ASMTL: variants seen among roughly 807,000 people sequenced by gnomAD.
The protein encoded by ASMTL is acetylserotonin O-methyltransferase like.
In ASMTL, 57 loss-of-function variants were observed where a neutral mutation model predicts 60.3. The ratio of observed to expected loss-of-function variants is 0.95; its 90% CI spans 0.76 to 1.18. The LOEUF is 1.18. Among genes scored for constraint, ASMTL ranks in the 50% most tolerant of loss-of-function variants. ASMTL has a pLI of 0.00. For missense variants in ASMTL, 981 were observed against 852.6 expected (o/e 1.15, Z -1.88); for synonymous variants, 419 against 373.0 (o/e 1.12, Z -1.42).
At chrX:1,417,831 TAGAC>T (rs1177589478) in intron 11 of ASMTL, 138 bp downstream of exon 11, 1 of 1,056,444 alleles carries the variant, frequency 9.5e-7, no homozygotes, top group Non-Finnish European at 1.3e-6. Flanking sequence ...ACAAGCACCG[TAGAC>T]AGTCCCATTT....
At chrX:1,445,851 G>A (rs1369308817) in intron 1 of ASMTL, among the ~76,000 whole-genome samples, 1 of 152,098 alleles carries the variant, frequency 6.6e-6, no homozygotes, top group Non-Finnish European at 1.5e-5. Flanking sequence ...GAGGGGACAT[G>A]GTGAGGTGCG....
intron 12 of ASMTL, 111 bp downstream of exon 12, chrX:1,412,621 C>G (rs777469301): frequency 0.019 from 28,274 of 1,487,416 alleles, 347 homozygotes; most frequent in Admixed American, 0.027. Flanking sequence ...CCTCGGCCTC[C>G]CAAAGCGCTG....
intron 12 of ASMTL, among the ~76,000 whole-genome samples, chrX:1,412,519 C>T (rs1275874891): frequency 7.2e-5 from 11 of 152,098 alleles, no homozygotes; most frequent in Non-Finnish European, 1.3e-4. Flanking sequence ...TGAGCCACCA[C>T]GCCTGGCTAA....
chrX:1,443,058 G>GACACACACACCGTCATCGTGGAC (rs200250030), intron 1 of ASMTL, among the ~76,000 whole-genome samples: 4 of 145,592 alleles, frequency 2.7e-5, no homozygotes, highest in Non-Finnish European at 6.0e-5. Flanking sequence ...CACCATCGTG[G>GACACACACACCGTCATCGTGGAC]ACACACACCG....
rs1413134078 is a variant in ASMTL, at chrX:1,431,324, TATAATTATAA to T, written c.509+935_509+944del. Among the ~76,000 whole-genome samples, 5 of 131,874 alleles carry T rather than the reference TATAATTATAA, an allele frequency of 3.8e-5. No homozygotes were observed. In the East Asian group the frequency reaches 6.4e-4, roughly 17 times the overall value. The allele number at this position is 131,874 out of a possible 152,430, so 86.5% of individuals were successfully genotyped here. A position where few individuals can be genotyped will look rare whatever the true frequency, so the allele number is the denominator to read the frequency against. On this transcript the variant is annotated intron_variant, in intron 6 of 12. Coordinates refer to ENST00000381317, the MANE Select transcript of ASMTL (RefSeq NM_004192.4). ...AATATATAAAATTATATATTTTATA[TATAATTATAA>T]ATAATTATAAATATAAATTATATAA...
Position 1,427,938 on chromosome X carries a change from G to A in ASMTL, c.693C>T (p.Ala231=), listed in dbSNP as rs377116602. ...RRSVKHDSIP[A]ADTFEDLSDV... is the part of the protein sequence containing the mutation. ...CACTGAGGTCTTCGAAGGTGTCCGC[G>A]GCCGGGATGGAGTCGTGCTTGACAC... Residue 231 remains alanine (A), a synonymous_variant, in exon 7 of 13, where the codon GCC becomes GCT. Coordinates refer to ENST00000381317, the MANE Select transcript of ASMTL (RefSeq NM_004192.4). 1.6e-5 allele frequency: 26 copies of A among 1,613,448 alleles called. No individual in the cohort carries two copies. The highest frequency in any genetic ancestry group is 2.2e-5 in the East Asian group (1 of 44,884).
chrX:1,427,624 T>C, intron 7 of ASMTL, 110 bp downstream of exon 7: 6 of 1,216,438 alleles, frequency 4.9e-6, no homozygotes, highest in South Asian at 1.4e-5. Flanking sequence ...TGAGACAACC[T>C]GACCTCAGAC....
chrX:1,437,594 T>C (rs866736220), intron 3 of ASMTL, among the ~76,000 whole-genome samples: 12 of 152,166 alleles, frequency 7.9e-5, no homozygotes, highest in Middle Eastern at 3.4e-3. Context: ...ATAGACTGGG[T>C]GGCTTATGAA....
At chrX:1,420,263 CTA>C (rs1455320908) in intron 9 of ASMTL, among the ~76,000 whole-genome samples, 1 of 151,718 alleles carries the variant, frequency 6.6e-6, no homozygotes. Context: ...CTGTCTCACT[CTA>C]TCTCTGTCTC....
chrX:1,423,740 C>A (rs1471926164), intron 8 of ASMTL, among the ~76,000 whole-genome samples: 1 of 92,748 alleles, frequency 1.1e-5, no homozygotes, highest in African/African-American at 3.2e-5. Context: ...ACTGATACAT[C>A]TATCCATCCA....
At chrX:1,432,009 CGCCTCCCCAGT>C (rs1336515488) in intron 6 of ASMTL, 1 of 551,864 alleles carries the variant, frequency 1.8e-6, no homozygotes, top group African/African-American at 1.9e-5. Context: ...CCCTGCCCAG[CGCCTCCCCAGT>C]CCCCACCGCA....
At chrX:1,430,409 C>A (rs374907217) in intron 6 of ASMTL, among the ~76,000 whole-genome samples, 7 of 152,140 alleles carry the variant, frequency 4.6e-5, no homozygotes, top group Middle Eastern at 3.4e-3. Flanking sequence ...GGGCTTATTT[C>A]AATTGATGTA....
chrX:1,416,638 CAT>C (rs1403783927), intron 11 of ASMTL, among the ~76,000 whole-genome samples: 4 of 151,866 alleles, frequency 2.6e-5, no homozygotes, highest in Non-Finnish European at 4.4e-5. Flanking sequence ...TACCCTCACA[CAT>C]ATGCAAGCAC....
intron 11 of ASMTL, among the ~76,000 whole-genome samples, chrX:1,414,352 G>A (rs1569531769): frequency 6.6e-6 from 1 of 152,164 alleles, no homozygotes; most frequent in Non-Finnish European, 1.5e-5. Context: ...AGAGTGTGCG[G>A]TGGGAAGTCT....
At chrX:1,422,138 T>A in intron 8 of ASMTL, among the ~76,000 whole-genome samples, 1 of 152,344 alleles carries the variant, frequency 6.6e-6, no homozygotes, top group Middle Eastern at 3.4e-3. Context: ...CCTTTCTTCA[T>A]GATCGTGGCC....
chrX:1,406,270 ATGGATGAGATGGATGGT>A (rs2089835800), intron 12 of ASMTL, among the ~76,000 whole-genome samples: 1 of 151,480 alleles, frequency 6.6e-6, no homozygotes, highest in Non-Finnish European at 1.5e-5. Flanking sequence ...AGATGGGTGC[ATGGATGAGATGGATGGT>A]TGGGTGAATA....
chrX:1,438,113 AC>A (rs1327619054), intron 3 of ASMTL, among the ~76,000 whole-genome samples: 1 of 150,198 alleles, frequency 6.7e-6, no homozygotes, highest in Non-Finnish European at 1.5e-5. Flanking sequence ...ACATGGTGAA[AC>A]CCCGTCTCTA....
intron 6 of ASMTL, among the ~76,000 whole-genome samples, chrX:1,430,438 T>C (rs1479170107): frequency 1.4e-4 from 21 of 152,016 alleles, no homozygotes; most frequent in Admixed American, 5.3e-4. Flanking sequence ...TAGGTTAATA[T>C]ACATATATAT....
In ASMTL at chrX:1,439,089, G is replaced by A. The variant is rs775004711; in HGVS notation, c.273+8C>T. The A allele has an allele frequency of 1.4e-5, 23 of 1,613,786 alleles. No individual in the cohort carries two copies. Among genetic ancestry groups the A allele is most frequent in the East Asian group, 6.7e-5 (3 of 44,882 alleles). ...ACATTAGAAACGAGGCACCCTGGCC[G>A]CACTCACCACGATCGTGTCCGCTCC... is the stretch of plus-strand genomic sequence containing the variant. On this transcript the variant is annotated splice_region_variant and intron_variant, in intron 3 of 12. Coordinates refer to ENST00000381317, the MANE Select transcript of ASMTL (RefSeq NM_004192.4).
Sources: allele counts gnomAD v4.1 joint callset (sites outside exome capture counted in the v4.1 genomes callset), GRCh38; gene constraint gnomAD v4.1.1; transcripts MANE v1.5; gene names NCBI Gene and HGNC (gene_info 2026-07-23, HGNC 2026-07-21).